The following SERGEF variants were observed in gnomAD, a reference collection of about 807,000 sequenced individuals.
The protein encoded by SERGEF is secretion regulating guanine nucleotide exchange factor, also known as secretion-regulating guanine nucleotide exchange factor.
A neutral mutation model predicts 50.0 loss-of-function variants in SERGEF; 51 were observed. The observed-to-expected ratio is 1.02, with a 90% CI of 0.81 to 1.29. SERGEF has a LOEUF of 1.29. Among genes scored for constraint, SERGEF ranks in the 50% most tolerant of loss-of-function variants. The probability of loss-of-function intolerance (pLI) is 0.00; values close to 1 mark genes in which losing one functional copy is unlikely to be tolerated. For synonymous variants in SERGEF, 205 were observed against 212.4 expected (o/e 0.97, Z 0.30); for missense variants, 521 against 557.0 (o/e 0.94, Z 0.65).
chr11:17,885,689 C>T (rs896570755), intron 9 of SERGEF, among the ~76,000 whole-genome samples: 10 of 152,036 alleles, frequency 6.6e-5, no homozygotes, highest in South Asian at 2.1e-4. Flanking sequence ...TACTGTTTAA[C>T]ACACATTTTA....
chr11:17,873,107 T>C (rs148345586), intron 10 of SERGEF, among the ~76,000 whole-genome samples: 1,943 of 152,314 alleles, frequency 0.013, 30 homozygotes, highest in Middle Eastern at 0.075. Context: ...TACTCCTATC[T>C]GGTGGCTTTA....
rs960156490 is a variant in SERGEF, at chr11:17,917,073, C to T, written c.1012-38829G>A. 2.5e-4 allele frequency among the ~76,000 whole-genome samples: 38 copies of T among 152,124 alleles called. 1 individual carries two copies. Among genetic ancestry groups the T allele is most frequent in the Admixed American group, 2.4e-3 (37 of 15,268 alleles). ...CAGCATTCCCACTACTGGGTATCTACCCAGAGAAAAAGAAGTCATTATACA... is the reference window on the plus strand; with the variant it reads ...CAGCATTCCCACTACTGGGTATCTATCCAGAGAAAAAGAAGTCATTATACA... On this transcript the variant is annotated intron_variant, in intron 9 of 10. Transcript: ENST00000265965.
chr11:17,816,449 C>T (rs1393542490), intron 10 of SERGEF, among the ~76,000 whole-genome samples: 1 of 152,232 alleles, frequency 6.6e-6, no homozygotes, highest in South Asian at 2.1e-4. Context: ...AGGGCTGGAA[C>T]ATAACATCTG....
At chr11:17,916,539 A>G (rs923800476) in intron 9 of SERGEF, among the ~76,000 whole-genome samples, 7 of 152,226 alleles carry the variant, frequency 4.6e-5, no homozygotes, top group African/African-American at 1.7e-4. Context: ...TAGCAAGCAC[A>G]CCAGGTGATT....
chr11:17,901,481 C>T (rs1216519622), intron 9 of SERGEF, among the ~76,000 whole-genome samples: 1 of 152,200 alleles, frequency 6.6e-6, no homozygotes, highest in East Asian at 1.9e-4. Context: ...CTTTTACAGC[C>T]TACATCCCAC....
chr11:17,961,944 G>A (rs561528018), intron 8 of SERGEF, among the ~76,000 whole-genome samples: 7 of 152,194 alleles, frequency 4.6e-5, no homozygotes, highest in Non-Finnish European at 8.8e-5. Flanking sequence ...ATTCATTGAC[G>A]CTGGCTCAAT....
chr11:17,951,525 T>C (rs1852774096), intron 9 of SERGEF, among the ~76,000 whole-genome samples: 1 of 152,190 alleles, frequency 6.6e-6, no homozygotes, highest in Non-Finnish European at 1.5e-5. Flanking sequence ...ACTGTCCCAA[T>C]ACTTACTGAG....
chr11:17,989,176 T>A (rs1853658995), intron 7 of SERGEF, among the ~76,000 whole-genome samples: 2 of 152,238 alleles, frequency 1.3e-5, no homozygotes, highest in African/African-American at 2.4e-5. Context: ...AAGCTTAAAT[T>A]TTTTAAACAT....
At chr11:17,824,778 C>G (rs557407701) in intron 10 of SERGEF, among the ~76,000 whole-genome samples, 49 of 152,268 alleles carry the variant, frequency 3.2e-4, no homozygotes, top group African/African-American at 1.1e-3. Flanking sequence ...TAGATTAGGG[C>G]TCCATCCTTA....
intron 9 of SERGEF, among the ~76,000 whole-genome samples, chr11:17,883,504 A>C (rs1241410604): frequency 6.6e-6 from 1 of 152,184 alleles, no homozygotes; most frequent in Admixed American, 6.5e-5. Context: ...AAAACCTAAG[A>C]GATTCCTTTG....
chr11:17,873,020 G>T (rs1851172837), intron 10 of SERGEF, among the ~76,000 whole-genome samples: 1 of 152,210 alleles, frequency 6.6e-6, no homozygotes, highest in African/African-American at 2.4e-5. Context: ...GTGGTAGAAG[G>T]GTTTTGGGGA....
At chr11:17,985,531 T>C (rs1411431385) in intron 8 of SERGEF, among the ~76,000 whole-genome samples, 1 of 152,074 alleles carries the variant, frequency 6.6e-6, no homozygotes, top group Non-Finnish European at 1.5e-5. Context: ...TCCCATGAAG[T>C]TCCTGAGAAC....
chr11:17,837,627 CCT>C (rs1850424512), intron 10 of SERGEF, among the ~76,000 whole-genome samples: 1 of 150,856 alleles, frequency 6.6e-6, no homozygotes, highest in Admixed American at 6.6e-5. Context: ...TCTTATACAG[CCT>C]GCAGAACTAT....
chr11:17,796,298 G>A (rs1308105615), intron 10 of SERGEF, among the ~76,000 whole-genome samples: 3 of 152,180 alleles, frequency 2.0e-5, no homozygotes, highest in African/African-American at 7.2e-5. Context: ...TATTGGGCCT[G>A]GCAGAGGACA....
chr11:17,953,955 G>A (rs1029537071), intron 9 of SERGEF, among the ~76,000 whole-genome samples: 2 of 152,186 alleles, frequency 1.3e-5, no homozygotes, highest in African/African-American at 4.8e-5. Flanking sequence ...CTACAGCACA[G>A]ATGTGCTAGA....
At chr11:17,974,615 G>A (rs765561065) in intron 8 of SERGEF, among the ~76,000 whole-genome samples, 8 of 152,170 alleles carry the variant, frequency 5.3e-5, no homozygotes, top group Non-Finnish European at 1.2e-4. Context: ...CAGTGGAGGG[G>A]TCCTAGACAA....
intron 5 of SERGEF, 116 bp downstream of exon 5, chr11:18,000,381 C>A: frequency 1.5e-6 from 1 of 680,478 alleles, no homozygotes; most frequent in Non-Finnish European, 2.4e-6. Context: ...CTCAGGAGTT[C>A]AAGGCTACAG....
intron 10 of SERGEF, among the ~76,000 whole-genome samples, chr11:17,867,110 T>A (rs1462845324): frequency 6.6e-6 from 1 of 152,224 alleles, no homozygotes; most frequent in Non-Finnish European, 1.5e-5. Flanking sequence ...AAACCAATCA[T>A]GTTTTCTTAA....
Position 17,988,753 on chromosome 11 carries a change from C to T in SERGEF, c.688G>A (p.Ala230Thr), listed in dbSNP as rs778105963. Residue 230 changes from alanine (A) to threonine (T), a missense_variant and splice_region_variant, in exon 8 of 11, where the codon GCA (alanine) becomes ACA (threonine). Physicochemically the swap from Ala to Thr is moderately conservative, Grantham distance 58. Transcript: ENST00000265965. ...CTTCCCCAAACATACACCTCTCCTG[C>T]ATCTTAAACAAACAGAAGGGTAACA... ...GSDHSASLTDAGEVYVWGSNK... is the reference protein window; with the variant it reads ...GSDHSASLTDTGEVYVWGSNK... 1.2e-6 allele frequency: 2 copies of T among 1,613,378 alleles called. No homozygotes were observed. Among genetic ancestry groups the T allele is most frequent in the Non-Finnish European group, 1.7e-6 (2 of 1,179,622 alleles).
Sources: allele counts gnomAD v4.1 joint callset (sites outside exome capture counted in the v4.1 genomes callset), GRCh38; gene constraint gnomAD v4.1.1; transcripts MANE v1.5; gene names NCBI Gene and HGNC (gene_info 2026-07-23, HGNC 2026-07-21).